CFAP70: variants seen among roughly 807,000 people sequenced by gnomAD.
CFAP70 encodes the protein cilia- and flagella-associated protein 70.
A neutral mutation model predicts 137.6 loss-of-function variants in CFAP70; 81 were observed. That is an observed-to-expected ratio of 0.59 (90% CI 0.49 to 0.71). The LOEUF is 0.71. Among genes scored for constraint, CFAP70 ranks in the 30% least tolerant of loss-of-function variants. CFAP70 has a pLI of 0.00. For synonymous variants in CFAP70, 382 were observed against 423.6 expected (o/e 0.90, Z 1.20); for missense variants, 976 against 1,226.7 (o/e 0.80, Z 3.05).
intron 19 of CFAP70, among the ~76,000 whole-genome samples, chr10:73,284,591 C>G (rs1260753784): frequency 6.8e-6 from 1 of 147,846 alleles, no homozygotes; most frequent in Non-Finnish European, 1.5e-5. Flanking sequence ...CTTTTTCTGC[C>G]TTCCTGTGAA....
exon 20 of CFAP70, chr10:73,278,335 G>T (rs1044844296): frequency 6.2e-7 from 1 of 1,607,570 alleles, no homozygotes; most frequent in Admixed American, 1.7e-5. Context: ...GCAGCTCCTG[G>T]TCCTAAATAG....
chr10:73,327,581 A>G (rs1171836540), intron 8 of CFAP70, among the ~76,000 whole-genome samples: 5 of 151,908 alleles, frequency 3.3e-5, no homozygotes, highest in Non-Finnish European at 7.4e-5. Flanking sequence ...TTGTATATCT[A>G]GAAAACCCCA....
At chr10:73,361,560 A>C (rs756418367), upstream of CFAP70, among the ~76,000 whole-genome samples, 3 of 152,160 alleles carry the variant, frequency 2.0e-5, no homozygotes, top group Admixed American at 1.3e-4. Context: ...AAAATATAAT[A>C]GTACTGGAAT....
chr10:73,284,993 T>C (rs1291405284), intron 19 of CFAP70, among the ~76,000 whole-genome samples: 1 of 151,486 alleles, frequency 6.6e-6, no homozygotes, highest in African/African-American at 2.4e-5. Flanking sequence ...GCTGCTTCCA[T>C]TACTGTAAAT....
At chr10:73,345,273 T>G in intron 4 of CFAP70, 29 bp from the exon 6 acceptor site, 3 of 1,592,444 alleles carry the variant, frequency 1.9e-6, no homozygotes, top group Non-Finnish European at 2.6e-6. Flanking sequence ...ATGCAGCATT[T>G]TGAAAATTGC....
At chr10:73,289,622 A>C (rs111231611) in intron 19 of CFAP70, among the ~76,000 whole-genome samples, 3 of 152,186 alleles carry the variant, frequency 2.0e-5, no homozygotes, top group African/African-American at 7.2e-5. Context: ...GAAGAGTAAC[A>C]AAACCAAAAC....
chr10:73,338,676 G>A (rs1448246664), intron 6 of CFAP70, among the ~76,000 whole-genome samples: 2 of 151,880 alleles, frequency 1.3e-5, no homozygotes, highest in African/African-American at 2.4e-5. Context: ...TGATCCACCC[G>A]CCTTGGCCTC....
chr10:73,275,599 C>G lies in CFAP70; in HGVS notation c.2521-1G>C. The G allele has an allele frequency of 1.3e-6, 2 of 1,561,354 alleles. No homozygotes were observed. Among genetic ancestry groups the G allele is most frequent in the Non-Finnish European group, 1.7e-6 (2 of 1,157,606 alleles). ...CATGTGCAAGCACTCTGTGCACATA[C>G]TGCAAGGATAATCAGATTATAAGCA... On this transcript the variant is annotated splice_acceptor_variant, in intron 21 of 26. Transcript: ENST00000310715. LOFTEE classifies it high-confidence loss of function. The surrounding 1 kb of genome is among the most constrained non-coding windows in gnomAD (Gnocchi z 4.0).
chr10:73,269,767 C>T (rs1471188500), intron 24 of CFAP70, 52 bp from the exon 26 acceptor site: 8 of 1,063,570 alleles, frequency 7.5e-6, no homozygotes, highest in African/African-American at 1.5e-5. Flanking sequence ...CCACTATGTC[C>T]CAATAATACT....
chr10:73,310,356 A>G, intron 11 of CFAP70, 107 bp from the exon 13 acceptor site: 1 of 647,562 alleles, frequency 1.5e-6, no homozygotes, highest in Non-Finnish European at 2.6e-6. Flanking sequence ...AACTGCATAT[A>G]TAACTACATA....
intron 11 of CFAP70, among the ~76,000 whole-genome samples, chr10:73,311,142 A>G (rs535405316): frequency 3.3e-5 from 5 of 152,336 alleles, no homozygotes; most frequent in African/African-American, 1.2e-4. Flanking sequence ...AAGTCTTTCC[A>G]TTACCTGATT....
chr10:73,359,506 A>C (rs1372263605), upstream of CFAP70, among the ~76,000 whole-genome samples: 2 of 152,242 alleles, frequency 1.3e-5, no homozygotes, highest in Non-Finnish European at 2.9e-5. Flanking sequence ...CAATTTGAGC[A>C]TGAAGTAAAC....
intron 9 of CFAP70, among the ~76,000 whole-genome samples, chr10:73,313,630 A>G (rs958508261): frequency 1.3e-5 from 2 of 151,690 alleles, no homozygotes; most frequent in African/African-American, 4.8e-5. Flanking sequence ...ATCATTTGAG[A>G]CCAGAAGTTT....
chr10:73,315,549 T>C (rs188457063), intron 9 of CFAP70, among the ~76,000 whole-genome samples: 1 of 152,290 alleles, frequency 6.6e-6, no homozygotes, highest in Non-Finnish European at 1.5e-5. Context: ...ATACTTACCA[T>C]AGATATTCTT....
At chr10:73,268,716 C>T (rs765177264) in intron 25 of CFAP70, among the ~76,000 whole-genome samples, 14 of 150,384 alleles carry the variant, frequency 9.3e-5, no homozygotes, top group Admixed American at 2.0e-4. Flanking sequence ...TTTTTTGAGA[C>T]GAGGTCTCAC....
At chr10:73,349,297 T>C (rs2053992533) in intron 3 of CFAP70, among the ~76,000 whole-genome samples, 1 of 152,038 alleles carries the variant, frequency 6.6e-6, no homozygotes, top group South Asian at 2.1e-4. Flanking sequence ...CCCAGCACTT[T>C]GGGAAGCTGA....
intron 9 of CFAP70, among the ~76,000 whole-genome samples, chr10:73,321,645 T>G (rs963736414): frequency 6.6e-6 from 1 of 152,114 alleles, no homozygotes; most frequent in Non-Finnish European, 1.5e-5. Context: ...GAAACTGATT[T>G]TTTGCTCGAA....
chr10:73,255,268 C>T (rs975223285), intron 26 of CFAP70, among the ~76,000 whole-genome samples: 2 of 152,082 alleles, frequency 1.3e-5, no homozygotes, highest in Admixed American at 6.5e-5. Flanking sequence ...CAGTGGCGGG[C>T]GGCTGTAGTC....
At chr10:73,340,997 C>T (rs1391931200) in intron 6 of CFAP70, among the ~76,000 whole-genome samples, 1 of 152,176 alleles carries the variant, frequency 6.6e-6, no homozygotes, top group Non-Finnish European at 1.5e-5. Flanking sequence ...CAGGACTCCC[C>T]CACTGCAGCC....
Sources: gnomAD v4.1 joint callset for allele counts (sites outside exome capture counted in the v4.1 genomes callset) on GRCh38, gnomAD v4.1.1 for gene constraint, Gnocchi (gnomAD v3.1) non-coding constraint, MANE v1.5 for transcripts, NCBI Gene and HGNC (gene_info 2026-07-23, HGNC 2026-07-21) for gene names.